LTN1: variants seen among roughly 807,000 people sequenced by gnomAD.
LTN1 encodes the protein listerin E3 ubiquitin protein ligase 1.
A neutral mutation model predicts 201.2 loss-of-function variants in LTN1; 88 were observed. The observed-to-expected ratio is 0.44, with a 90% confidence interval of 0.37 to 0.52. LTN1 has a LOEUF of 0.52. LTN1 is among the 20% of genes least tolerant of loss of function. The pLI is 0.00. For synonymous variants in LTN1, 645 were observed against 713.5 expected (o/e 0.90, Z 1.53); for missense variants, 1,752 against 2,038.7 (o/e 0.86, Z 2.71).
Position 28,968,127 on chromosome 21 carries a change from C to A in LTN1, c.1312-948G>T, listed in dbSNP as rs73901130. On this transcript the variant is annotated intron_variant, in intron 9 of 29. Transcript: ENST00000361371. ...AAAACATAAATTTTCCCCTAGAACT[C>A]TGAAAAAGTTAACCTAAAGATCCCT... Among the ~76,000 whole-genome samples the A allele has an allele frequency of 1.6e-3, 243 of 152,266 alleles. 1 individual carries two copies. Among genetic ancestry groups the A allele is most frequent in the African/African-American group, 5.6e-3 (234 of 41,560 alleles).
intron 5 of LTN1, among the ~76,000 whole-genome samples, chr21:28,982,007 G>A (rs943691943): frequency 6.6e-5 from 10 of 152,200 alleles, no homozygotes; most frequent in African/African-American, 2.4e-5. Context: ...CTGAGGTCGT[G>A]AGTTCGAGAC....
intron 25 of LTN1, 43 bp from the exon 26 acceptor site, chr21:28,936,740 A>ATTGTCTTGGTGTATTTG: frequency 6.8e-7 from 1 of 1,476,542 alleles, no homozygotes; most frequent in Non-Finnish European, 9.3e-7. Flanking sequence ...AAATACACCA[A>ATTGTCTTGGTGTATTTG]GACAATTGGT....
rs2084317756 is a variant in LTN1, at chr21:28,943,998, G to GA, written c.3983-95dup. The stretch of plus-strand genomic sequence containing the variant: ...ACAATCAAATGTCATTTAAGAAAAT[G>GA]AAATAAAAACTAGACATAAACAATA... On this transcript the variant is annotated intron_variant, in intron 22 of 29. Transcript: ENST00000361371. 21 of 588,868 alleles carry GA rather than the reference G, an allele frequency of 3.6e-5. No individual in the cohort carries two copies. The East Asian group carries it at 5.9e-4, about 16-fold the overall frequency. 36.5% of individuals were successfully genotyped at this position (588,868 alleles called of 1,614,324 possible).
intron 7 of LTN1, 76 bp downstream of exon 7, chr21:28,971,195 T>C: frequency 8.4e-7 from 1 of 1,196,858 alleles, no homozygotes; most frequent in East Asian, 2.5e-5. Context: ...CAAGAAAGCA[T>C]TTTCCCAGTA....
At chr21:28,964,491 T>TA in intron 11 of LTN1, 1 of 1,216,862 alleles carries the variant, frequency 8.2e-7, no homozygotes, top group Non-Finnish European at 1.1e-6. Context: ...TAATAGACTG[T>TA]AGTGTACACA....
At position 28,959,866 on chromosome 21, in the gene LTN1, T is replaced by TA. The variant is rs2084460426; in HGVS notation, c.2354-170dup. The stretch of plus-strand genomic sequence containing the variant: ...TCTCTCACACATAAAGGCCCTCAAG[T>TA]AAAAAAGGCAGTTTTAAATTAAGTA... On this transcript the variant is annotated intron_variant, in intron 12 of 29. Coordinates refer to ENST00000361371, the MANE Select transcript of LTN1 (RefSeq NM_015565.3). 1.4e-5 allele frequency: 8 copies of TA among 571,486 alleles called. 2 individuals are homozygous for TA. Among genetic ancestry groups the TA allele is most frequent in the South Asian group, 1.2e-4 (5 of 41,836 alleles). The allele number at this position is 571,486 out of a possible 1,614,324, so 35.4% of individuals were successfully genotyped here.
At chr21:28,938,101 C>T (rs990977433) in intron 25 of LTN1, among the ~76,000 whole-genome samples, 1 of 151,818 alleles carries the variant, frequency 6.6e-6, no homozygotes, top group Admixed American at 6.6e-5. Context: ...ATATGACAAG[C>T]AAATACAAAC....
chr21:28,946,782 G>A (rs1298892465), intron 19 of LTN1, among the ~76,000 whole-genome samples: 2 of 152,172 alleles, frequency 1.3e-5, no homozygotes, highest in Non-Finnish European at 2.9e-5. Context: ...ATCCACTGGT[G>A]TATCTTAACA....
intron 24 of LTN1, 65 bp from the exon 25 acceptor site, chr21:28,941,471 A>G (rs931107697): frequency 3.2e-6 from 4 of 1,266,916 alleles, no homozygotes; most frequent in Non-Finnish European, 4.4e-6. Context: ...AATTGACAGT[A>G]CTTGTAAACT....
rs1490082353 is a variant in LTN1, at chr21:28,936,707, A to G, written c.4483-10T>C. The stretch of plus-strand genomic sequence containing the variant: ...AATACAAAGCCCGAAGCTGGTGGAG[A>G]GCAAAGAATTTGTTAGTAAACCAAA... On this transcript the variant is annotated splice_polypyrimidine_tract_variant and intron_variant, in intron 25 of 29. Transcript: ENST00000361371. 1.9e-6 allele frequency: 3 copies of G among 1,598,502 alleles called. No individual in the cohort carries two copies. The highest frequency in any genetic ancestry group is 2.6e-6 in the Non-Finnish European group (3 of 1,170,158).
chr21:28,934,177 ATT>A, intron 27 of LTN1, among the ~76,000 whole-genome samples: 1 of 152,140 alleles, frequency 6.6e-6, no homozygotes, highest in Non-Finnish European at 1.5e-5. Flanking sequence ...TTTTCCCTTT[ATT>A]AGACTGTATG....
chr21:28,978,633 C>T (rs2084635287), intron 6 of LTN1, among the ~76,000 whole-genome samples: 1 of 152,126 alleles, frequency 6.6e-6, no homozygotes, highest in African/African-American at 2.4e-5. Flanking sequence ...ACTTTGATCA[C>T]ATCAAAATTT....
At chr21:28,973,432 A>G (rs1042703241) in intron 6 of LTN1, among the ~76,000 whole-genome samples, 6 of 151,914 alleles carry the variant, frequency 3.9e-5, no homozygotes, top group African/African-American at 1.4e-4. Context: ...AAATGTAAAC[A>G]AAGATTGAGA....
chr21:28,968,255 C>T (rs1295924239), intron 9 of LTN1, among the ~76,000 whole-genome samples: 2 of 152,040 alleles, frequency 1.3e-5, no homozygotes, highest in African/African-American at 4.8e-5. Flanking sequence ...TTCTTTGCAT[C>T]TTCTGGATTT....
In LTN1 at chr21:28,930,273, C is replaced by A; in HGVS notation, c.*175G>T. ...AGTTTCCAAACATTTACAAAGCAATCTAAAGTTAAGTAAACCTGATTTTAG... is the reference window on the plus strand; with the variant it reads ...AGTTTCCAAACATTTACAAAGCAATATAAAGTTAAGTAAACCTGATTTTAG... On this transcript the variant is annotated 3_prime_UTR_variant, in exon 30 of 30. Coordinates refer to ENST00000361371, the MANE Select transcript of LTN1 (RefSeq NM_015565.3). 2.3e-6 allele frequency: 1 copy of A among 431,546 alleles called. No individual in the cohort carries two copies. 26.7% of individuals were successfully genotyped at this position (431,546 alleles called of 1,614,324 possible).
rs921198206 is a variant in LTN1, at chr21:28,931,053, T to TA, written c.5238+101dup. ...TAACACACATTTTCTCTTCCGAAGT[T>TA]AGACATTGTGTAGGTGTGTGTGTGT... On this transcript the variant is annotated intron_variant, in intron 29 of 29. Coordinates refer to ENST00000361371, the MANE Select transcript of LTN1 (RefSeq NM_015565.3). The TA allele has an allele frequency of 6.4e-5, 44 of 691,892 alleles. No homozygotes were observed. In the African/African-American group the frequency reaches 6.6e-4, roughly 10 times the overall value. The allele number at this position is 691,892 out of a possible 1,614,324, so 42.9% of individuals were successfully genotyped here.
intron 25 of LTN1, among the ~76,000 whole-genome samples, chr21:28,939,275 C>T (rs1601166053): frequency 2.0e-5 from 3 of 151,992 alleles, no homozygotes; most frequent in African/African-American, 4.8e-5. Flanking sequence ...CTTGAGTATT[C>T]GCTGGGGTGG....
Position 28,966,442 on chromosome 21 carries a change from G to A in LTN1, c.2049C>T (p.Asp683=). Residue 683 remains aspartate (D), a synonymous_variant, in exon 10 of 30, where the codon GAC becomes GAT. Transcript: ENST00000361371. ...DQRKDFGFLV[D]ILYSALRCCD... ...AGCACCGGAGAGCACTGTACAAAAT[G>A]TCCACCAGGAAACCAAAATCCTTCC... 6.2e-7 allele frequency: 1 copy of A among 1,614,078 alleles called. No individual in the cohort carries two copies. The highest frequency in any genetic ancestry group is 1.1e-5 in the South Asian group (1 of 91,078).
chr21:28,971,163 CAA>C (rs1279437433), intron 7 of LTN1, 106 bp downstream of exon 7: 1 of 909,094 alleles, frequency 1.1e-6, no homozygotes, highest in African/African-American at 1.7e-5. Context: ...AGATTTATGC[CAA>C]GTTTAGATTA....
Sources: allele counts gnomAD v4.1 joint callset (sites outside exome capture counted in the v4.1 genomes callset), GRCh38; gene constraint gnomAD v4.1.1; transcripts MANE v1.5; gene names NCBI Gene and HGNC (gene_info 2026-07-23, HGNC 2026-07-21).